Variants in GPR139 observed in about 807,000 individuals in gnomAD.
The protein encoded by GPR139 is probable G protein-coupled receptor 139.
A neutral mutation model predicts 25.8 loss-of-function variants in GPR139; 12 were observed. That is an observed-to-expected ratio of 0.47 (90% CI 0.30 to 0.75). The LOEUF (loss-of-function observed/expected upper bound fraction) is 0.75, where lower values mean the gene tolerates loss of function less well. GPR139 is among the 30% of genes least tolerant of loss of function. The pLI, the probability that GPR139 is intolerant of heterozygous loss-of-function variation, is 0.07. For synonymous variants in GPR139, 184 were observed against 179.9 expected (o/e 1.02, Z -0.18); for missense variants, 380 against 450.2 (o/e 0.84, Z 1.41).
chr16:20,055,313 C>T (rs2057385133), intron 1 of GPR139, among the ~76,000 whole-genome samples: 1 of 152,172 alleles, frequency 6.6e-6, no homozygotes, highest in Non-Finnish European at 1.5e-5. Flanking sequence ...GGAAGATTTA[C>T]AACATTATTA....
chr16:20,037,705 T>C (rs2057314891), intron 1 of GPR139, among the ~76,000 whole-genome samples: 1 of 152,126 alleles, frequency 6.6e-6, no homozygotes, highest in African/African-American at 2.4e-5. Context: ...CAGAGAAAAA[T>C]GAAAATGGTG....
At chr16:20,072,881 A>G (rs1257482374) in intron 1 of GPR139, among the ~76,000 whole-genome samples, 1 of 152,138 alleles carries the variant, frequency 6.6e-6, no homozygotes, top group Non-Finnish European at 1.5e-5. Flanking sequence ...TGCCCTGGCC[A>G]GGGCATGGTC....
chr16:20,028,865 GC>G lies in GPR139; in HGVS notation c.*2869del, dbSNP rs1262965378. The stretch of plus-strand genomic sequence containing the variant: ...CACAAAAACCCACGATAAGGCAATT[GC>G]TTTAGTGCCACCAGCAGCAGCCATT... On this transcript the variant is annotated 3_prime_UTR_variant, in exon 2 of 2. Transcript: ENST00000570682. Among the ~76,000 whole-genome samples, 1 of 152,236 alleles carries G rather than the reference GC, an allele frequency of 6.6e-6. No individual in the cohort carries two copies. The highest frequency in any genetic ancestry group is 1.9e-4 in the East Asian group (1 of 5,184).
chr16:20,072,607 C>T (rs2057463573), intron 1 of GPR139, among the ~76,000 whole-genome samples: 1 of 152,164 alleles, frequency 6.6e-6, no homozygotes, highest in Non-Finnish European at 1.5e-5. Context: ...CTTTCTCTCT[C>T]TCTCGCTCTC....
Position 20,073,652 on chromosome 16 carries a change from C to T in GPR139, c.-36G>A, listed in dbSNP as rs761733205. The T allele has an allele frequency of 1.1e-4, 169 of 1,528,110 alleles. 1 individual carries two copies. The highest frequency in any genetic ancestry group is 1.4e-4 in the Non-Finnish European group (163 of 1,136,076). 94.7% of individuals were successfully genotyped at this position (1,528,110 alleles called of 1,614,324 possible). The stretch of plus-strand genomic sequence containing the variant: ...CTCGCTCCCCTTGCCGCTTCGCGCC[C>T]GGCCTGCCAGCCCGACTCTGGTCGC... On this transcript the variant is annotated 5_prime_UTR_variant, in exon 1 of 2. Transcript: ENST00000570682. The surrounding 1 kb of genome is among the most constrained non-coding windows in gnomAD (Gnocchi z 4.7).
In GPR139 at chr16:20,043,006, C is replaced by T. The variant is rs956309498; in HGVS notation, c.128-10337G>A. ...CCTGGGCCCTGGATCCATGGTGCAGCCTCCCTGGCTTCTCCCAGAAATTAG... is the reference window on the plus strand; with the variant it reads ...CCTGGGCCCTGGATCCATGGTGCAGTCTCCCTGGCTTCTCCCAGAAATTAG... On this transcript the variant is annotated intron_variant, in intron 1 of 1. Coordinates refer to ENST00000570682, the MANE Select transcript of GPR139 (RefSeq NM_001002911.4). Among the ~76,000 whole-genome samples, 7 of 152,282 alleles carry T rather than the reference C, an allele frequency of 4.6e-5. No individual in the cohort carries two copies. In the East Asian group the frequency reaches 1.4e-3, roughly 29 times the overall value.
chr16:20,051,071 A>AAAAAAG (rs2057370070), intron 1 of GPR139, among the ~76,000 whole-genome samples: 1 of 149,576 alleles, frequency 6.7e-6, no homozygotes, highest in African/African-American at 2.4e-5. Flanking sequence ...TCAAAAAAAA[A>AAAAAAG]AAAAGAAAGA....
chr16:20,070,928 A>G (rs2057457418), intron 1 of GPR139: 5 of 985,192 alleles, frequency 5.1e-6, no homozygotes, highest in Non-Finnish European at 6.0e-6. Flanking sequence ...GCTGACCTGA[A>G]TGCTTTCTTC....
intron 1 of GPR139, among the ~76,000 whole-genome samples, chr16:20,058,848 G>T (rs897444146): frequency 6.6e-6 from 1 of 152,208 alleles, no homozygotes; most frequent in Non-Finnish European, 1.5e-5. Flanking sequence ...ACAGCTGACA[G>T]CTAGGTCATT....
intron 1 of GPR139, among the ~76,000 whole-genome samples, chr16:20,035,502 C>T (rs888989973): frequency 7.2e-5 from 11 of 152,172 alleles, no homozygotes; most frequent in African/African-American, 2.7e-4. Context: ...CTGAGCTGTG[C>T]CCTTGAAGGG....
chr16:20,052,746 G>A (rs943845035), intron 1 of GPR139, among the ~76,000 whole-genome samples: 1 of 146,712 alleles, frequency 6.8e-6, no homozygotes, highest in African/African-American at 2.5e-5. Flanking sequence ...GGGAGATCGC[G>A]CCACTGCACT....
At chr16:20,042,814 G>A (rs1156366321) in intron 1 of GPR139, among the ~76,000 whole-genome samples, 1 of 151,696 alleles carries the variant, frequency 6.6e-6, no homozygotes, top group Non-Finnish European at 1.5e-5. Context: ...CTGTTTCTTT[G>A]TATCTCCCTT....
chr16:20,073,500 G>A lies in GPR139; in HGVS notation c.117C>T (p.Leu39=), dbSNP rs370214126. The change falls in exon 1 of 2, where the codon CTC becomes CTT. Residue 39 remains leucine (L), a synonymous_variant. Coordinates refer to ENST00000570682, the MANE Select transcript of GPR139 (RefSeq NM_001002911.4). The surrounding 1 kb of genome is among the most constrained non-coding windows in gnomAD (Gnocchi z 4.7). ...CCCCACGCCCCTCACCTGGTAAACC[G>A]AGGCACAGCAAGAGGCTGTAGTAGA... The part of the protein sequence containing the change: ...PVVYYSLLLC[L]GLPANILTVI... 3.1e-6 allele frequency: 5 copies of A among 1,611,818 alleles called. No individual in the cohort carries two copies. The highest frequency in any genetic ancestry group is 4.5e-5 in the East Asian group (2 of 44,750).
chr16:20,071,320 G>T (rs1262787173), intron 1 of GPR139, among the ~76,000 whole-genome samples: 4 of 152,208 alleles, frequency 2.6e-5, no homozygotes, highest in Non-Finnish European at 5.9e-5. Context: ...AGCCTTGTGG[G>T]CTGTTAACAA....
In GPR139 at chr16:20,031,364, T is replaced by C; in HGVS notation, c.*371A>G. 4.1e-6 allele frequency: 1 copy of C among 245,704 alleles called. No homozygotes were observed. 15.2% of individuals were successfully genotyped at this position (245,704 alleles called of 1,614,324 possible). Reference sequence around the variant, plus strand: ...GGCTCAGCTATGTGCTACTGGGGCTTGGTAAGTCCCATAAATGAAGGGTTC... The same window carrying C: ...GGCTCAGCTATGTGCTACTGGGGCTCGGTAAGTCCCATAAATGAAGGGTTC... On this transcript the variant is annotated 3_prime_UTR_variant, in exon 2 of 2. Transcript: ENST00000570682.
chr16:20,038,329 A>ATCTGTGTGTG (rs1295913117), intron 1 of GPR139, among the ~76,000 whole-genome samples: 23 of 95,956 alleles, frequency 2.4e-4, no homozygotes, highest in African/African-American at 7.5e-4. Flanking sequence ...TAATATATAT[A>ATCTGTGTGTG]TGTGTGTGTG....
chr16:20,071,105 C>T (rs1002846903), intron 1 of GPR139: 2 of 492,276 alleles, frequency 4.1e-6, no homozygotes, highest in Non-Finnish European at 5.3e-6. Flanking sequence ...TCTGCAGCAA[C>T]ATCCTTACTT....
At chr16:20,044,694 A>G (rs1190879153) in intron 1 of GPR139, among the ~76,000 whole-genome samples, 1 of 152,198 alleles carries the variant, frequency 6.6e-6, no homozygotes, top group Non-Finnish European at 1.5e-5. Context: ...CTGCCTGTCT[A>G]TAATATGATA....
intron 1 of GPR139, among the ~76,000 whole-genome samples, chr16:20,047,167 G>GT (rs1054846070): frequency 3.3e-5 from 5 of 151,474 alleles, no homozygotes; most frequent in African/African-American, 1.2e-4. Flanking sequence ...CTGGAGTGCA[G>GT]TGGCACCATC....
Sources: gnomAD v4.1 joint callset for allele counts (sites outside exome capture counted in the v4.1 genomes callset) on GRCh38, gnomAD v4.1.1 for gene constraint, Gnocchi (gnomAD v3.1) non-coding constraint, MANE v1.5 for transcripts, NCBI Gene and HGNC (gene_info 2026-07-23, HGNC 2026-07-21) for gene names.